Variants in B3GALT1 observed in about 807,000 individuals in gnomAD.
B3GALT1 encodes the protein UDP-Gal:betaGlcNAc beta 1,3-galactosyltransferase, polypeptide 1.
In B3GALT1, 10 loss-of-function variants were observed where a neutral mutation model predicts 23.2. The ratio of observed to expected loss-of-function variants is 0.43; its 90% CI spans 0.27 to 0.73. B3GALT1 has a LOEUF of 0.73. Ranked by LOEUF, B3GALT1 falls within the 30% of genes least tolerant of loss-of-function variation. B3GALT1 has a pLI of 0.21. For synonymous variants in B3GALT1, 156 were observed against 141.5 expected (o/e 1.10, Z -0.73); for missense variants, 299 against 405.4 (o/e 0.74, Z 2.25).
chr2:167,762,868 T>C (rs957209668), intron 3 of B3GALT1, among the ~76,000 whole-genome samples: 5 of 152,216 alleles, frequency 3.3e-5, no homozygotes, highest in African/African-American at 1.2e-4. Context: ...GGCAACATTC[T>C]TTCTTCTGTA....
chr2:167,328,100 A>G (rs1426042089), intron 1 of B3GALT1, among the ~76,000 whole-genome samples: 4 of 151,932 alleles, frequency 2.6e-5, no homozygotes, highest in Non-Finnish European at 4.4e-5. Flanking sequence ...TTCTTTTCAA[A>G]GTGTTGTTGA....
intron 2 of B3GALT1, among the ~76,000 whole-genome samples, chr2:167,580,556 C>T (rs1183514668): frequency 6.6e-6 from 1 of 152,118 alleles, no homozygotes; most frequent in Non-Finnish European, 1.5e-5. Flanking sequence ...GACCAAAGCC[C>T]CTGTGTCCTC....
At chr2:167,593,177 A>C (rs1037104136) in intron 2 of B3GALT1, among the ~76,000 whole-genome samples, 1 of 152,352 alleles carries the variant, frequency 6.6e-6, no homozygotes, top group East Asian at 1.9e-4. Flanking sequence ...TTTAGCATTC[A>C]TCATAATAGA....
intron 2 of B3GALT1, among the ~76,000 whole-genome samples, chr2:167,563,497 G>T (rs1372964548): frequency 3.1e-5 from 2 of 64,186 alleles, no homozygotes; most frequent in Non-Finnish European, 5.5e-5. Flanking sequence ...GGGCAGAGGC[G>T]CCCCTCACCT....
chr2:167,642,515 C>G (rs1685671275), intron 2 of B3GALT1, among the ~76,000 whole-genome samples: 1 of 152,114 alleles, frequency 6.6e-6, no homozygotes, highest in Non-Finnish European at 1.5e-5. Flanking sequence ...CTTGAGAGCT[C>G]CATTCAAATC....
At chr2:167,701,705 A>G (rs569039265) in intron 3 of B3GALT1, among the ~76,000 whole-genome samples, 1 of 152,252 alleles carries the variant, frequency 6.6e-6, no homozygotes, top group Non-Finnish European at 1.5e-5. Context: ...GTGGTTCTGC[A>G]TAATTGCAAA....
At chr2:167,361,205 C>T (rs1697494178) in intron 1 of B3GALT1, among the ~76,000 whole-genome samples, 1 of 139,580 alleles carries the variant, frequency 7.2e-6, no homozygotes. Context: ...ACTGATTTCC[C>T]CCACTAGTTT....
intron 1 of B3GALT1, among the ~76,000 whole-genome samples, chr2:167,339,266 T>C (rs759612728): frequency 3.7e-4 from 56 of 152,050 alleles, no homozygotes; most frequent in Non-Finnish European, 6.3e-4. Flanking sequence ...AATTTCAAAA[T>C]AAGAATGTTG....
intron 4 of B3GALT1, among the ~76,000 whole-genome samples, chr2:167,838,282 A>C (rs1243037736): frequency 6.6e-6 from 1 of 152,240 alleles, no homozygotes; most frequent in Non-Finnish European, 1.5e-5. Context: ...ACCACTAGCA[A>C]GACTAATAAA....
intron 3 of B3GALT1, among the ~76,000 whole-genome samples, chr2:167,707,034 A>G (rs1191394948): frequency 6.6e-6 from 1 of 152,170 alleles, no homozygotes; most frequent in Non-Finnish European, 1.5e-5. Context: ...GGAAGTCCAA[A>G]CAGCCTGTGG....
intron 2 of B3GALT1, among the ~76,000 whole-genome samples, chr2:167,568,151 T>C (rs1684210517): frequency 6.6e-6 from 1 of 152,144 alleles, no homozygotes; most frequent in Non-Finnish European, 1.5e-5. Flanking sequence ...TCTTGGTTGT[T>C]TCCAAGTTTT....
intron 2 of B3GALT1, among the ~76,000 whole-genome samples, chr2:167,576,833 C>G (rs1214119057): frequency 4.0e-5 from 6 of 151,686 alleles, no homozygotes; most frequent in Non-Finnish European, 8.9e-5. Context: ...ATGCGACTCT[C>G]ACCACATTCA....
In B3GALT1 at chr2:167,648,966, G is replaced by A. The variant is rs547113049; in HGVS notation, c.-352+2000G>A. Among the ~76,000 whole-genome samples, 6 of 152,122 alleles carry A rather than the reference G, an allele frequency of 3.9e-5. No homozygotes were observed. The South Asian group carries it at 6.2e-4, about 16-fold the overall frequency. ...TGCATTGGCTTCTGCCTGCCTCCAC[G>A]ACAGGCAGAGGAGATGACAGTAGAT... On this transcript the variant is annotated intron_variant, in intron 3 of 4. Coordinates refer to ENST00000392690, the MANE Select transcript of B3GALT1 (RefSeq NM_020981.4).
intron 3 of B3GALT1, among the ~76,000 whole-genome samples, chr2:167,722,389 A>G (rs964481545): frequency 1.3e-5 from 2 of 152,258 alleles, no homozygotes; most frequent in Non-Finnish European, 2.9e-5. Flanking sequence ...AATTACCCCA[A>G]GAGAAAGACT....
intron 1 of B3GALT1, among the ~76,000 whole-genome samples, chr2:167,385,102 G>A (rs1697907093): frequency 6.6e-6 from 1 of 152,004 alleles, no homozygotes; most frequent in Non-Finnish European, 1.5e-5. Context: ...GTAAAATTTG[G>A]GAAGCAAGGC....
intron 3 of B3GALT1, among the ~76,000 whole-genome samples, chr2:167,657,633 C>G (rs779928470): frequency 6.6e-5 from 10 of 152,080 alleles, no homozygotes; most frequent in Non-Finnish European, 1.3e-4. Flanking sequence ...ACTTTATAAC[C>G]AGGAACAAGT....
chr2:167,597,201 C>T (rs968334897), intron 2 of B3GALT1, among the ~76,000 whole-genome samples: 4 of 151,574 alleles, frequency 2.6e-5, no homozygotes, highest in Admixed American at 1.3e-4. Context: ...CTGCAAACTC[C>T]GCCTTCCGGG....
intron 3 of B3GALT1, among the ~76,000 whole-genome samples, chr2:167,764,910 A>G (rs1242373004): frequency 6.6e-6 from 1 of 152,064 alleles, no homozygotes; most frequent in East Asian, 1.9e-4. Context: ...AAGGCCAGAG[A>G]AAAGGAGGTT....
intron 4 of B3GALT1, among the ~76,000 whole-genome samples, chr2:167,844,700 C>G (rs571613403): frequency 3.9e-4 from 60 of 152,326 alleles, no homozygotes; most frequent in African/African-American, 1.4e-3. Flanking sequence ...AGAAAGAAAT[C>G]TCTAGCTGAA....
Sources: allele counts gnomAD v4.1 joint callset (sites outside exome capture counted in the v4.1 genomes callset), GRCh38; gene constraint gnomAD v4.1.1; transcripts MANE v1.5; gene names NCBI Gene and HGNC (gene_info 2026-07-23, HGNC 2026-07-21).